NAA25: variants seen among roughly 807,000 people sequenced by gnomAD.
NAA25 encodes N-alpha-acetyltransferase 25, NatB auxiliary subunit.
A neutral mutation model predicts 132.5 loss-of-function variants in NAA25; 30 were observed. The ratio of observed to expected loss-of-function variants is 0.23; its 90% CI spans 0.17 to 0.31. NAA25 has a LOEUF of 0.31. NAA25 is among the 10% of genes least tolerant of loss of function. The probability of loss-of-function intolerance (pLI) is 1.00; values close to 1 mark genes in which losing one functional copy is unlikely to be tolerated. For missense variants in NAA25, 771 were observed against 1,150.4 expected (o/e 0.67, Z 4.77); for synonymous variants, 359 against 401.9 (o/e 0.89, Z 1.28).
intron 4 of NAA25, among the ~76,000 whole-genome samples, 158 bp from the exon 5 acceptor site, chr12:112,081,292 G>A (rs1010703541): frequency 2.6e-5 from 4 of 152,316 alleles, no homozygotes; most frequent in Admixed American, 6.5e-5. Flanking sequence ...AGCAACAGCA[G>A]TAATCACAAA....
Position 112,078,265 on chromosome 12 carries a change from A to C in NAA25, c.587T>G (p.Val196Gly). 1 of 1,602,266 alleles carries C rather than the reference A, an allele frequency of 6.2e-7. No homozygotes were observed. The highest frequency in any genetic ancestry group is 8.5e-7 in the Non-Finnish European group (1 of 1,175,454). The stretch of plus-strand genomic sequence containing the variant: ...TTCCAGGATCATATAATAAAGTTCA[A>C]CCTTACAGAAAAAAAACAAGAAGTG... ...KEDKIEAEAEVELYYMILERL... is the reference protein window; with the variant it reads ...KEDKIEAEAEGELYYMILERL... The change falls in exon 7 of 24, where the codon GTT (valine) becomes GGT (glycine). Residue 196 changes from valine to glycine, a missense_variant and splice_region_variant. Physicochemically the swap from Val to Gly is moderately radical, Grantham distance 109. Transcript: ENST00000261745.
intron 12 of NAA25, among the ~76,000 whole-genome samples, chr12:112,060,647 A>G (rs183304396): frequency 6.6e-6 from 1 of 152,298 alleles, no homozygotes; most frequent in East Asian, 1.9e-4. Context: ...GGTGAAGAAA[A>G]GAACATAAGC....
intron 17 of NAA25, among the ~76,000 whole-genome samples, chr12:112,044,875 T>TA (rs879272275): frequency 0.022 from 2,341 of 106,948 alleles, 75 homozygotes; most frequent in African/African-American, 0.067. Context: ...ACCCAGTCTC[T>TA]AAAAAAAAAA....
chr12:112,068,853 C>A (rs970281679), intron 11 of NAA25, 27 bp downstream of exon 11: 1 of 1,342,742 alleles, frequency 7.4e-7, no homozygotes, highest in Non-Finnish European at 1.0e-6. Flanking sequence ...AGGCACCCAA[C>A]AAACTTCTAA....
chr12:112,100,781 G>A (rs984436247), intron 1 of NAA25, among the ~76,000 whole-genome samples: 2 of 151,662 alleles, frequency 1.3e-5, no homozygotes, highest in South Asian at 2.1e-4. Context: ...CATCACGCCC[G>A]GAGAATTTTT....
intron 11 of NAA25, among the ~76,000 whole-genome samples, chr12:112,062,944 C>A (rs1018306940): frequency 6.6e-6 from 1 of 151,830 alleles, no homozygotes; most frequent in Non-Finnish European, 1.5e-5. Context: ...CCTGTAGTCC[C>A]AGCTACTCAA....
chr12:112,106,747 A>C (rs958659047), intron 1 of NAA25, among the ~76,000 whole-genome samples: 2 of 149,908 alleles, frequency 1.3e-5, no homozygotes, highest in African/African-American at 4.9e-5. Context: ...TGAGCTCAGG[A>C]GTTTTAGACT....
Position 112,074,611 on chromosome 12 carries a change from T to C in NAA25, c.866+64A>G. The C allele has an allele frequency of 4.5e-6, 4 of 891,412 alleles. No individual in the cohort carries two copies. The South Asian group carries it at 7.8e-5, about 17-fold the overall frequency. 55.2% of individuals were successfully genotyped at this position (891,412 alleles called of 1,614,324 possible). ...AAAAGAGAATTCAATTGGCTTATAATGAAATCCTTTCACTACACTATATTA... is the reference window on the plus strand; with the variant it reads ...AAAAGAGAATTCAATTGGCTTATAACGAAATCCTTTCACTACACTATATTA... On this transcript the variant is annotated intron_variant, in intron 9 of 23. Coordinates refer to ENST00000261745, the MANE Select transcript of NAA25 (RefSeq NM_024953.4).
intron 17 of NAA25, 107 bp downstream of exon 17, chr12:112,047,558 C>G: frequency 5.9e-6 from 8 of 1,344,756 alleles, no homozygotes; most frequent in Non-Finnish European, 7.1e-6. Context: ...AAATAAACTG[C>G]TTCACCCAGG....
Position 112,054,579 on chromosome 12 carries a change from A to C in NAA25, c.1448-11T>G. The C allele has an allele frequency of 6.2e-7, 1 of 1,611,272 alleles. No homozygotes were observed. On this transcript the variant is annotated splice_polypyrimidine_tract_variant and intron_variant, in intron 13 of 23. Transcript: ENST00000261745. ...CAGTGGTCTCATCACCTAGAACCAA[A>C]ATACAGCATTATCCACTGATCTTGA... is the stretch of plus-strand genomic sequence containing the variant.
At position 112,033,384 on chromosome 12, in the gene NAA25, G is replaced by A. The variant is rs764740910; in HGVS notation, c.2650-5C>T. 9 of 1,590,348 alleles carry A rather than the reference G, an allele frequency of 5.7e-6. No homozygotes were observed. The highest frequency in any genetic ancestry group is 7.7e-6 in the Non-Finnish European group (9 of 1,172,478). The stretch of plus-strand genomic sequence containing the variant: ...GAAACTGGTAAAGACAGGTGGCTGG[G>A]AAAAAGATTAAAAAAGAGTTGAAAC... On this transcript the variant is annotated splice_region_variant and splice_polypyrimidine_tract_variant and intron_variant, in intron 22 of 23. Coordinates refer to ENST00000261745, the MANE Select transcript of NAA25 (RefSeq NM_024953.4).
chr12:112,089,369 A>G (rs2079099647), intron 3 of NAA25, among the ~76,000 whole-genome samples: 1 of 152,218 alleles, frequency 6.6e-6, no homozygotes, highest in African/African-American at 2.4e-5. Flanking sequence ...CTGCTATTCT[A>G]TTTATAAAAG....
At chr12:112,102,970 G>A (rs1389407933) in intron 1 of NAA25, among the ~76,000 whole-genome samples, 1 of 151,172 alleles carries the variant, frequency 6.6e-6, no homozygotes, top group African/African-American at 2.4e-5. Flanking sequence ...TTACAGGCGT[G>A]AGCCACTGCA....
In NAA25 at chr12:112,072,077, A is replaced by G. The variant is rs757724873; in HGVS notation, c.867-13T>C. 4 of 1,604,956 alleles carry G rather than the reference A, an allele frequency of 2.5e-6. No homozygotes were observed. Among genetic ancestry groups the G allele is most frequent in the Non-Finnish European group, 3.4e-6 (4 of 1,175,348 alleles). On this transcript the variant is annotated splice_polypyrimidine_tract_variant and intron_variant, in intron 9 of 23. Coordinates refer to ENST00000261745, the MANE Select transcript of NAA25 (RefSeq NM_024953.4). ...TCCTTCTAAAGAGCTGAGGAAAAGC[A>G]CATGAAAAAGGAATTTTATTGCCTC...
At chr12:112,044,455 G>A (rs1669420785) in intron 17 of NAA25, among the ~76,000 whole-genome samples, 1 of 150,152 alleles carries the variant, frequency 6.7e-6, no homozygotes, top group Non-Finnish European at 1.5e-5. Flanking sequence ...CAGATCACGA[G>A]GTCAGGAGAT....
chr12:112,080,540 C>T (rs1023394570), intron 5 of NAA25, among the ~76,000 whole-genome samples: 1 of 151,774 alleles, frequency 6.6e-6, no homozygotes, highest in African/African-American at 2.4e-5. Context: ...CTCGCTCTAT[C>T]GCCAGGCTAG....
chr12:112,074,046 A>G (rs2078856590), intron 9 of NAA25, among the ~76,000 whole-genome samples: 2 of 152,088 alleles, frequency 1.3e-5, no homozygotes, highest in South Asian at 4.1e-4. Context: ...ATATAAGAAT[A>G]ATTAAGCCGG....
chr12:112,089,803 G>C (rs556169452), intron 3 of NAA25, among the ~76,000 whole-genome samples: 1 of 151,832 alleles, frequency 6.6e-6, no homozygotes, highest in African/African-American at 2.4e-5. Flanking sequence ...AGACCAGCCC[G>C]GCCAACATGG....
chr12:112,096,855 C>T (rs78182459), intron 1 of NAA25, among the ~76,000 whole-genome samples: 2,352 of 152,286 alleles, frequency 0.015, 71 homozygotes, highest in African/African-American at 0.053. Context: ...GTTCATAGAA[C>T]CTATCTTGAA....
Sources: gnomAD v4.1 joint callset for allele counts (sites outside exome capture counted in the v4.1 genomes callset) on GRCh38, gnomAD v4.1.1 for gene constraint, MANE v1.5 for transcripts, NCBI Gene and HGNC (gene_info 2026-07-23, HGNC 2026-07-21) for gene names.